Variants in PIN4 observed in about 807,000 individuals in gnomAD.
The protein encoded by PIN4 is peptidylprolyl cis/trans isomerase, NIMA-interacting 4, also known as peptidyl-prolyl cis-trans isomerase NIMA-interacting 4.
In PIN4, 3 loss-of-function variants were observed where a neutral mutation model predicts 8.3. The ratio of observed to expected loss-of-function variants is 0.36; its 90% CI spans 0.16 to 0.93. The LOEUF (loss-of-function observed/expected upper bound fraction) is 0.93, where lower values mean the gene tolerates loss of function less well. PIN4 is among the 40% of genes least tolerant of loss of function. The pLI is 0.44. For synonymous variants in PIN4, 18 were observed against 32.5 expected, an observed-to-expected ratio of 0.55 and a Z score of 1.52; for missense variants, 75 against 100.6, an observed-to-expected ratio of 0.75 and a Z score of 1.09.
chrX:72,248,291 GAAAAAAAAAAAAAAAAAAAAAAAAAAAA>G (rs55908553), intron 3 of PIN4, among the ~76,000 whole-genome samples: 2,872 of 54,872 alleles, frequency 0.052, 122 homozygotes, highest in African/African-American at 0.13. Flanking sequence ...GCTCCATCCA[GAAAAAAAAAAAAAAAAAAAAAAAAAAAA>G]AAAAAAAAAA....
At chrX:72,257,373 A>G (rs190922792) in intron 3 of PIN4, among the ~76,000 whole-genome samples, 1 of 110,036 alleles carries the variant, frequency 9.1e-6, no homozygotes, top group East Asian at 2.9e-4. Context: ...TTGTGTTGTA[A>G]CAGAATCCCT....
At chrX:72,232,416 CAAA>C (rs11302655) in intron 3 of PIN4, among the ~76,000 whole-genome samples, 4 of 35,074 alleles carry the variant, frequency 1.1e-4, no homozygotes, top group Admixed American at 3.6e-4. Context: ...AGACCTGCCT[CAAA>C]AAAAAAAAAA....
chrX:72,258,182 C>G (rs1478811228), intron 3 of PIN4, among the ~76,000 whole-genome samples: 2 of 111,957 alleles, frequency 1.8e-5, no homozygotes, highest in East Asian at 5.6e-4. Context: ...GGAACCCCAA[C>G]AGAGAGGCGT....
At chrX:72,231,344 G>A (rs750729447) in intron 3 of PIN4, among the ~76,000 whole-genome samples, 105 of 111,241 alleles carry the variant, frequency 9.4e-4, no homozygotes, top group Non-Finnish European at 1.7e-3. Context: ...CCATGATCTC[G>A]CTTATACATG....
intron 3 of PIN4, among the ~76,000 whole-genome samples, chrX:72,252,624 A>G (rs1015875901): frequency 1.8e-5 from 2 of 112,029 alleles, no homozygotes; most frequent in Non-Finnish European, 3.8e-5. Context: ...TCCTGGCCTC[A>G]AGTGATCTGC....
intron 1 of PIN4, among the ~76,000 whole-genome samples, chrX:72,182,602 G>T (rs1230800237): frequency 9.0e-6 from 1 of 111,391 alleles, no homozygotes; most frequent in African/African-American, 3.3e-5. Context: ...GAAGATAAAG[G>T]CTTAGTGATC....
At chrX:72,191,085 G>T (rs911610702) in intron 2 of PIN4, among the ~76,000 whole-genome samples, 1 of 109,535 alleles carries the variant, frequency 9.1e-6, no homozygotes, top group Admixed American at 9.9e-5. Flanking sequence ...ATCCTTTACC[G>T]CCCACCTGTA....
intron 3 of PIN4, chrX:72,206,876 C>G (rs147328766): frequency 5.0e-6 from 6 of 1,209,776 alleles, no homozygotes; most frequent in Non-Finnish European, 6.7e-6. Context: ...TGAAGATCCT[C>G]GATTGTAAAG....
intron 3 of PIN4, chrX:72,208,260 T>C (rs1569490048): frequency 1.7e-6 from 2 of 1,211,932 alleles, no homozygotes; most frequent in Non-Finnish European, 2.2e-6. Flanking sequence ...CTCTCATTCC[T>C]GGAGTCCACT....
Position 72,196,968 on chromosome X carries a change from TAATAA to T in PIN4, c.237+70_237+74del, listed in dbSNP as rs765037582. On this transcript the variant is annotated intron_variant, in intron 3 of 3. Coordinates refer to ENST00000373669, the MANE Select transcript of PIN4 (RefSeq NM_006223.4). ...AAGAAAGCAAAGTAAAAATGACAAA[TAATAA>T]AATAAGATAAAAATTCTCCATCCTC... 20 of 972,899 alleles carry T rather than the reference TAATAA, an allele frequency of 2.1e-5. No individual in the cohort carries two copies. In the Admixed American group the frequency reaches 4.6e-4, roughly 22 times the overall value. 80.2% of individuals were successfully genotyped at this position (972,899 alleles called of 1,213,427 possible).
chrX:72,254,881 A>G (rs1249533562), intron 3 of PIN4, among the ~76,000 whole-genome samples: 2 of 111,675 alleles, frequency 1.8e-5, no homozygotes, highest in Non-Finnish European at 3.8e-5. Context: ...AGGCAGAGTG[A>G]ATATAATTTA....
intron 2 of PIN4, among the ~76,000 whole-genome samples, chrX:72,190,894 A>C (rs1294964817): frequency 1.9e-5 from 2 of 105,720 alleles, no homozygotes; most frequent in East Asian, 6.1e-4. Context: ...CAGAGGTAGC[A>C]GTGAGCCGTG....
chrX:72,210,480 G>A (rs975139053), intron 3 of PIN4, among the ~76,000 whole-genome samples: 2 of 111,115 alleles, frequency 1.8e-5, no homozygotes, highest in African/African-American at 6.5e-5. Context: ...AGAGCTTGAA[G>A]GAAAAAATAA....
At chrX:72,221,175 C>T (rs2042920943) in intron 3 of PIN4, among the ~76,000 whole-genome samples, 1 of 112,102 alleles carries the variant, frequency 8.9e-6, no homozygotes, top group Non-Finnish European at 1.9e-5. Flanking sequence ...CTCCCCTCCT[C>T]CTCCCTTCTC....
chrX:72,233,679 G>A (rs1415916486), intron 3 of PIN4, among the ~76,000 whole-genome samples: 16 of 100,038 alleles, frequency 1.6e-4, no homozygotes, highest in African/African-American at 6.0e-4. Context: ...CCGAGATTGC[G>A]CCACCACACT....
At chrX:72,248,326 A>G (rs2043075337) in intron 3 of PIN4, among the ~76,000 whole-genome samples, 1 of 92,195 alleles carries the variant, frequency 1.1e-5, no homozygotes, top group African/African-American at 4.7e-5. Context: ...AAAAAAAAAA[A>G]AAAAAAAAAA....
intron 3 of PIN4, among the ~76,000 whole-genome samples, chrX:72,257,120 A>T (rs1335449499): frequency 1.8e-5 from 2 of 111,457 alleles, no homozygotes; most frequent in Non-Finnish European, 3.8e-5. Context: ...GGAGATCGAG[A>T]CCATCCTGGC....
Position 72,209,388 on chromosome X carries a change from A to C in PIN4, c.312+12484A>C, listed in dbSNP as rs898676387. ...CTCCACTTGAAATCAAATTCAATTCATCCCAAACTAGACTCATTATTTCCC... is the reference window on the plus strand; with the variant it reads ...CTCCACTTGAAATCAAATTCAATTCCTCCCAAACTAGACTCATTATTTCCC... On this transcript the variant is annotated intron_variant, in intron 3 of 3. Coordinates refer to the PIN4 transcript ENST00000423432. Among the ~76,000 whole-genome samples, 3 of 111,738 alleles carry C rather than the reference A, an allele frequency of 2.7e-5. No homozygotes were observed. The Admixed American group carries it at 2.9e-4, about 11-fold the overall frequency.
chrX:72,244,497 C>T (rs1229590326), intron 3 of PIN4, among the ~76,000 whole-genome samples: 2 of 111,454 alleles, frequency 1.8e-5, no homozygotes, highest in Non-Finnish European at 3.8e-5. Flanking sequence ...TTGGAGCAAG[C>T]CTAGAATGCT....
Sources: allele counts gnomAD v4.1 joint callset (sites outside exome capture counted in the v4.1 genomes callset), GRCh38; gene constraint gnomAD v4.1.1; transcripts MANE v1.5; gene names NCBI Gene and HGNC (gene_info 2026-07-23, HGNC 2026-07-21).